KCNK18: variants seen among roughly 807,000 people sequenced by gnomAD.
KCNK18 encodes potassium channel subfamily K member 18.
KCNK18 carries 8 observed loss-of-function variants against 11.8 expected under a neutral mutation model. The observed-to-expected ratio is 0.68, with a 90% CI of 0.40 to 1.22. KCNK18 has a LOEUF of 1.22. KCNK18 is among the 50% of genes most tolerant of loss of function. KCNK18 has a pLI of 0.01. For missense variants in KCNK18, 442 were observed against 465.4 expected, an observed-to-expected ratio of 0.95 and a Z score of 0.46; for synonymous variants, 208 against 185.8, an observed-to-expected ratio of 1.12 and a Z score of -0.97.
At chr10:117,203,158 T>G (rs1164790089) in intron 2 of KCNK18, among the ~76,000 whole-genome samples, 6 of 152,024 alleles carry the variant, frequency 3.9e-5, no homozygotes, top group African/African-American at 1.5e-4. Flanking sequence ...ATTAGAGGCG[T>G]GAGACACCGC....
chr10:117,203,420 T>C (rs776088675), intron 2 of KCNK18, among the ~76,000 whole-genome samples: 4 of 152,150 alleles, frequency 2.6e-5, no homozygotes, highest in Non-Finnish European at 5.9e-5. Context: ...AGCTGGACTT[T>C]CCAGGGGAAC....
intron 1 of KCNK18, 75 bp from the exon 2 acceptor site, chr10:117,201,084 T>A: frequency 6.4e-7 from 1 of 1,571,362 alleles, no homozygotes; most frequent in Non-Finnish European, 8.7e-7. Flanking sequence ...GGGAAGACTA[T>A]CCCTTTCACT....
chr10:117,204,979 C>T (rs1564991086), intron 2 of KCNK18, among the ~76,000 whole-genome samples: 3 of 152,310 alleles, frequency 2.0e-5, no homozygotes, highest in African/African-American at 4.8e-5. Flanking sequence ...GACATCATGC[C>T]GCCCAGTAAT....
At chr10:117,207,180 C>A (rs143575744) in intron 2 of KCNK18, among the ~76,000 whole-genome samples, 3,234 of 152,266 alleles carry the variant, frequency 0.021, 110 homozygotes, top group African/African-American at 0.073. Flanking sequence ...AGGTATGCGC[C>A]ATCACACCTG....
rs767525145 is a variant in KCNK18, at chr10:117,209,751, A to G, written c.607A>G (p.Ile203Val). Residue 203 changes from isoleucine (I) to valine (V), a missense_variant, in exon 3 of 3, where the codon ATC (isoleucine) becomes GTC (valine). Ile to Val is a conservative substitution (Grantham distance 29). Transcript: ENST00000334549. ...KPADEAVPQIIISAEELPGPK... is the reference protein window; with the variant it reads ...KPADEAVPQIVISAEELPGPK... ...CGCAGATGAAGCTGTCCCTCAGATC[A>G]TCATCAGTGCTGAAGAGCTTCCAGG... 1 of 1,614,142 alleles carries G rather than the reference A, an allele frequency of 6.2e-7. No homozygotes were observed. The highest frequency in any genetic ancestry group is 8.5e-7 in the Non-Finnish European group (1 of 1,180,038).
intron 2 of KCNK18, 40 bp downstream of exon 2, chr10:117,201,327 G>T: frequency 6.2e-7 from 1 of 1,607,618 alleles, no homozygotes. Context: ...GTGGCCCTGT[G>T]AAGGGTGGGT....
chr10:117,205,337 C>T (rs1401697407), intron 2 of KCNK18, among the ~76,000 whole-genome samples: 1 of 152,216 alleles, frequency 6.6e-6, no homozygotes, highest in Non-Finnish European at 1.5e-5. Context: ...ATAGTTAATA[C>T]ATTCCCTTTG....
At chr10:117,203,862 G>A (rs1013212078) in intron 2 of KCNK18, among the ~76,000 whole-genome samples, 1 of 152,112 alleles carries the variant, frequency 6.6e-6, no homozygotes, top group Admixed American at 6.5e-5. Context: ...TTGTATTTTT[G>A]TAGAAATGGG....
intron 2 of KCNK18, among the ~76,000 whole-genome samples, chr10:117,202,680 G>A (rs77284540): frequency 0.028 from 4,320 of 152,246 alleles, 182 homozygotes; most frequent in African/African-American, 0.094. Context: ...CTGGTCCCAG[G>A]CAAGGGGATT....
chr10:117,208,364 A>T (rs1855102108), intron 2 of KCNK18, among the ~76,000 whole-genome samples: 1 of 152,168 alleles, frequency 6.6e-6, no homozygotes, highest in Non-Finnish European at 1.5e-5. Flanking sequence ...TTAATCGCGC[A>T]CTGTGTGTCA....
At position 117,197,588 on chromosome 10, in the gene KCNK18, G is replaced by A. The variant is rs772633496; in HGVS notation, c.100G>A (p.Ala34Thr). 22 of 1,614,074 alleles carry A rather than the reference G, an allele frequency of 1.4e-5. No individual in the cohort carries two copies. The highest frequency in any genetic ancestry group is 1.6e-4 in the Middle Eastern group (1 of 6,084). ...LCFLCFLVTY[A>T]LVGAVVFSAI... The stretch of plus-strand genomic sequence containing the variant: ...CTTCCTCTGCTTTCTGGTGACCTAC[G>A]CCCTGGTGGGTGCTGTGGTCTTCTC... The change falls in exon 1 of 3, where the codon GCC becomes ACC. Residue 34 changes from alanine to threonine, a missense_variant. Coordinates refer to ENST00000334549, the MANE Select transcript of KCNK18 (RefSeq NM_181840.1).
chr10:117,200,522 T>C (rs984899259), intron 1 of KCNK18, among the ~76,000 whole-genome samples: 15 of 152,154 alleles, frequency 9.9e-5, no homozygotes, highest in African/African-American at 3.1e-4. Context: ...TGAAAGATGA[T>C]AGAGGCGGGG....
Position 117,210,208 on chromosome 10 carries a change from T to C in KCNK18, c.1064T>C (p.Phe355Ser). The C allele has an allele frequency of 6.2e-7, 1 of 1,614,206 alleles. No individual in the cohort carries two copies. The change falls in exon 3 of 3, where the codon TTC (phenylalanine) becomes TCC (serine). Residue 355 changes from phenylalanine to serine, a missense_variant. Physicochemically the swap from Phe to Ser is radical, Grantham distance 155 (BLOSUM62 -2). Coordinates refer to ENST00000334549, the MANE Select transcript of KCNK18 (RefSeq NM_181840.1). ...IVGMEIVFIA[F>S]KLVQNRLIDI... ...GGAATGGAGATTGTGTTCATTGCTT[T>C]CAAGTTGGTGCAAAACAGGCTGATT...
chr10:117,206,232 A>G (rs772500420), intron 2 of KCNK18, among the ~76,000 whole-genome samples: 3 of 152,110 alleles, frequency 2.0e-5, no homozygotes, highest in Non-Finnish European at 4.4e-5. Flanking sequence ...TACTCCCTCT[A>G]AGGCTCTAGG....
rs748909703 is a variant in KCNK18 at position 117,209,891 on chromosome 10, G to C, written c.747G>C (p.Arg249Ser). Residue 249 changes from arginine (R) to serine (S), a missense_variant, in exon 3 of 3, where the codon AGG becomes AGC. Physicochemically the swap from Arg to Ser is moderately radical, Grantham distance 110. Transcript: ENST00000334549. Reference sequence around the variant, plus strand: ...AACTGCCCCCACAAGCCATGGAGAGGAGTAACTCGTGTCCCGAACTGGTGT... The same window carrying C: ...AACTGCCCCCACAAGCCATGGAGAGCAGTAACTCGTGTCCCGAACTGGTGT... ...TLQLPPQAME[R>S]SNSCPELVLG... The C allele has an allele frequency of 6.2e-7, 1 of 1,614,204 alleles. No individual in the cohort carries two copies. Among genetic ancestry groups the C allele is most frequent in the Non-Finnish European group, 8.5e-7 (1 of 1,180,038 alleles).
At chr10:117,204,200 T>A (rs1195783212) in intron 2 of KCNK18, among the ~76,000 whole-genome samples, 1 of 147,014 alleles carries the variant, frequency 6.8e-6, no homozygotes, top group African/African-American at 2.5e-5. Context: ...AGGTTGAGAC[T>A]GCAGTGAGCC....
chr10:117,202,795 C>G (rs878499), intron 2 of KCNK18, among the ~76,000 whole-genome samples: 94,544 of 151,830 alleles, frequency 0.62, 31,571 homozygotes, highest in Middle Eastern at 0.74. Context: ...GGTGGGCAAC[C>G]GGTGTCTGCT....
At chr10:117,209,406 G>A in intron 2 of KCNK18, 91 bp from the exon 3 acceptor site, 2 of 995,836 alleles carry the variant, frequency 2.0e-6, no homozygotes, top group Non-Finnish European at 3.2e-6. Context: ...TCATGCCAAG[G>A]AGGGGAGATG....
At chr10:117,201,344 G>A (rs1196458221) in intron 2 of KCNK18, 57 bp downstream of exon 2, 1 of 1,597,168 alleles carries the variant, frequency 6.3e-7, no homozygotes, top group Admixed American at 1.7e-5. Context: ...GGGTTTCTGG[G>A]TGGCAAAGGA....
Sources: gnomAD v4.1 joint callset for allele counts (sites outside exome capture counted in the v4.1 genomes callset) on GRCh38, gnomAD v4.1.1 for gene constraint, MANE v1.5 for transcripts, NCBI Gene and HGNC (gene_info 2026-07-23, HGNC 2026-07-21) for gene names.